The following NID1 variants were observed in gnomAD, a reference collection of about 807,000 sequenced individuals.
NID1 encodes nidogen-1.
A neutral mutation model predicts 130.6 loss-of-function variants in NID1; 76 were observed. The ratio of observed to expected loss-of-function variants is 0.58; its 90% confidence interval spans 0.48 to 0.70. The LOEUF (loss-of-function observed/expected upper bound fraction) is 0.70, where lower values mean the gene tolerates loss of function less well. Among genes scored for constraint, NID1 ranks in the 30% least tolerant of loss-of-function variants. The pLI is 0.00. For synonymous variants in NID1, 665 were observed against 675.1 expected (o/e 0.98, Z 0.23); for missense variants, 1,517 against 1,664.8 (o/e 0.91, Z 1.54).
chr1:235,980,689 A>G lies in NID1; in HGVS notation c.3228-36T>C, dbSNP rs1469685125. On this transcript the variant is annotated intron_variant, in intron 16 of 19. Coordinates refer to ENST00000264187, the MANE Select transcript of NID1 (RefSeq NM_002508.3). Reference sequence around the variant, plus strand: ...AAAAAGGGGGGAAAGAGGAAAAGAAATAATAAGGATGCATGAGAAAAAGTT... The same window carrying G: ...AAAAAGGGGGGAAAGAGGAAAAGAAGTAATAAGGATGCATGAGAAAAAGTT... 4 of 1,600,984 alleles carry G rather than the reference A, an allele frequency of 2.5e-6. No homozygotes were observed. The East Asian group carries it at 6.7e-5, about 27-fold the overall frequency.
In NID1 at chr1:236,048,951, C is replaced by T. The variant is rs766809589; in HGVS notation, c.264G>A (p.Pro88=). 25 of 1,613,860 alleles carry T rather than the reference C, an allele frequency of 1.5e-5. No individual in the cohort carries two copies. The highest frequency in any genetic ancestry group is 5.5e-5 in the South Asian group (5 of 91,054). ...AGAGCCCGGGATGGGATTCTTTGGC[C>T]GGGGGTTCACTCGTAGCAATGATGC... ...TNGIIATSEP[P]AKESHPGLFP... Residue 88 remains proline, a synonymous_variant, in exon 2 of 20, where the codon CCG becomes CCA. Transcript: ENST00000264187.
intron 5 of NID1, among the ~76,000 whole-genome samples, chr1:236,034,977 T>C (rs1572609700): frequency 8.8e-6 from 1 of 113,858 alleles, no homozygotes; most frequent in Non-Finnish European, 1.7e-5. Context: ...AGTTTTCTTT[T>C]TTTTTTCTTT....
In NID1 at chr1:236,017,181, C is replaced by T. The variant is rs1325591443; in HGVS notation, c.2221G>A (p.Gly741Ser). ...PGTFRCECVE[G>S]YQFSDEGTCV... The stretch of plus-strand genomic sequence containing the variant: ...GTTCCCTCATCTGAAAACTGGTAGC[C>T]CTCCACACACTCGCAGCGGAAGGTT... The change falls in exon 10 of 20, where the codon GGC becomes AGC. Residue 741 changes from glycine to serine, a missense_variant. Around this residue, in one of 3 missense-constraint regions of NID1, gnomAD observed 1,329 missense variants for 1,429.2 expected, o/e 0.93. Coordinates refer to ENST00000264187, the MANE Select transcript of NID1 (RefSeq NM_002508.3). The T allele has an allele frequency of 6.2e-7, 1 of 1,614,168 alleles. No individual in the cohort carries two copies. Among genetic ancestry groups the T allele is most frequent in the East Asian group, 2.2e-5 (1 of 44,872 alleles).
intron 19 of NID1, among the ~76,000 whole-genome samples, chr1:235,978,256 G>T (rs1657328107): frequency 6.6e-6 from 1 of 152,194 alleles, no homozygotes; most frequent in Admixed American, 6.5e-5. Flanking sequence ...ACAGATCTCA[G>T]GGGGAAGTTC....
intron 10 of NID1, 77 bp downstream of exon 10, chr1:236,017,071 C>T: frequency 6.3e-7 from 1 of 1,595,994 alleles, no homozygotes; most frequent in South Asian, 1.1e-5. Flanking sequence ...CTCATTTTAC[C>T]TGGGACCAGA....
intron 3 of NID1, among the ~76,000 whole-genome samples, chr1:236,044,906 AACT>A (rs1323421524): frequency 1.3e-5 from 2 of 152,198 alleles, no homozygotes; most frequent in Non-Finnish European, 2.9e-5. Context: ...AAATGGTAAA[AACT>A]GTCTTAAGGC....
chr1:235,983,655 C>T (rs537734075), intron 15 of NID1, among the ~76,000 whole-genome samples: 1 of 152,314 alleles, frequency 6.6e-6, no homozygotes, highest in East Asian at 1.9e-4. Flanking sequence ...GCCTTGGTCC[C>T]GATCTCAAAC....
rs756232838 is a variant in NID1, at chr1:235,977,930, T to TG, written c.3680dup (p.Gly1228ArgfsTer9). On this transcript the variant is annotated frameshift_variant, in exon 20 of 20. Coordinates refer to ENST00000264187, the MANE Select transcript of NID1 (RefSeq NM_002508.3). LOFTEE classifies it high-confidence loss of function. ...CAGGGCAACGGCAGGTCCTGCTCCC[T>TG]GGGGTGGCCAAGCATAGGTGGGTGC... 16 of 1,614,006 alleles carry TG rather than the reference T, an allele frequency of 9.9e-6. No individual in the cohort carries two copies. Among genetic ancestry groups the TG allele is most frequent in the Non-Finnish European group, 1.4e-5 (16 of 1,180,008 alleles).
chr1:236,052,046 G>C (rs183352078), intron 1 of NID1, among the ~76,000 whole-genome samples: 1 of 152,158 alleles, frequency 6.6e-6, no homozygotes, highest in Non-Finnish European at 1.5e-5. Flanking sequence ...CATTCAGCTC[G>C]ATCGTCTGTG....
chr1:235,985,572 G>C (rs569977172), intron 14 of NID1, 67 bp from the exon 15 acceptor site: 8 of 1,556,510 alleles, frequency 5.1e-6, no homozygotes, highest in Non-Finnish European at 7.1e-6. Context: ...ATCTTTTTGC[G>C]TGCCTACAGG....
intron 9 of NID1, among the ~76,000 whole-genome samples, chr1:236,019,637 C>T (rs1416869311): frequency 6.6e-6 from 1 of 152,194 alleles, no homozygotes; most frequent in Non-Finnish European, 1.5e-5. Flanking sequence ...CTTACACATA[C>T]ACGCCAGACT....
At chr1:236,019,010 T>C (rs1480030819) in intron 9 of NID1, among the ~76,000 whole-genome samples, 6 of 152,250 alleles carry the variant, frequency 3.9e-5, no homozygotes. Context: ...GTTTGTCCTG[T>C]ACCCAGGCAA....
intron 13 of NID1, among the ~76,000 whole-genome samples, chr1:235,992,311 G>A (rs999886654): frequency 4.6e-5 from 7 of 152,062 alleles, no homozygotes; most frequent in East Asian, 1.9e-4. Flanking sequence ...AAATCCATCC[G>A]TTTCTCACCT....
chr1:236,033,637 T>C (rs549189729), intron 5 of NID1, among the ~76,000 whole-genome samples: 17 of 152,292 alleles, frequency 1.1e-4, no homozygotes, highest in Non-Finnish European at 2.1e-4. Context: ...TGAGACCTAC[T>C]ATGACAAATT....
intron 1 of NID1, among the ~76,000 whole-genome samples, chr1:236,054,317 G>A (rs28407138): frequency 0.071 from 10,751 of 152,168 alleles, 1,143 homozygotes; most frequent in African/African-American, 0.23. Context: ...TTAGCTGGGT[G>A]AGGTAGCAGG....
intron 13 of NID1, 132 bp downstream of exon 13, chr1:235,993,513 G>A: frequency 1.3e-6 from 1 of 793,848 alleles, no homozygotes; most frequent in Non-Finnish European, 1.9e-6. Context: ...TGCAGCAGGA[G>A]CGGGTGGGGC....
Position 236,029,589 on chromosome 1 carries a change from T to C in NID1, c.1699A>G (p.Ile567Val). The C allele has an allele frequency of 6.3e-7, 1 of 1,583,582 alleles. No individual in the cohort carries two copies. Among genetic ancestry groups the C allele is most frequent in the Admixed American group, 1.8e-5 (1 of 54,572 alleles). ...PQIPFGSSVHIEPYTELYHYS... is the reference protein window; with the variant it reads ...PQIPFGSSVHVEPYTELYHYS... The stretch of plus-strand genomic sequence containing the variant: ...TGGTACAGCTCCGTGTAGGGCTCAA[T>C]GTGCACGGAGGAGCCGAACGGAATC... Residue 567 changes from isoleucine (I) to valine (V), a missense_variant, in exon 7 of 20, where the codon ATT becomes GTT. Physicochemically the swap from Ile to Val is conservative, Grantham distance 29. Coordinates refer to ENST00000264187, the MANE Select transcript of NID1 (RefSeq NM_002508.3).
At chr1:236,021,526 A>G (rs1658764795) in intron 9 of NID1, among the ~76,000 whole-genome samples, 1 of 152,186 alleles carries the variant, frequency 6.6e-6, no homozygotes, top group South Asian at 2.1e-4. Flanking sequence ...CCTTCATGTT[A>G]CATCAGCACA....
intron 1 of NID1, among the ~76,000 whole-genome samples, chr1:236,053,012 C>T (rs1045777551): frequency 6.6e-6 from 1 of 152,228 alleles, no homozygotes; most frequent in African/African-American, 2.4e-5. Flanking sequence ...CAAAAGTACT[C>T]GGCAAGCTGC....
Sources: allele counts gnomAD v4.1 joint callset (sites outside exome capture counted in the v4.1 genomes callset), GRCh38; gene constraint gnomAD v4.1.1; regional missense constraint gnomAD v4.1.1; transcripts MANE v1.5; gene names NCBI Gene and HGNC (gene_info 2026-07-23, HGNC 2026-07-21).